Variants in ASAP3 observed in about 807,000 individuals in gnomAD.
ASAP3 encodes arf-GAP with SH3 domain, ANK repeat and PH domain-containing protein 3.
In ASAP3, 85 loss-of-function variants were observed where a neutral mutation model predicts 118.2. That is an observed-to-expected ratio of 0.72 (90% CI 0.60 to 0.86). The LOEUF (loss-of-function observed/expected upper bound fraction) is 0.86. Ranked by LOEUF, ASAP3 falls within the 40% of genes least tolerant of loss-of-function variation. ASAP3 has a pLI of 0.00. For missense variants in ASAP3, 1,026 were observed against 1,175.0 expected, an observed-to-expected ratio of 0.87 and a Z score of 1.85; for synonymous variants, 432 against 477.4, an observed-to-expected ratio of 0.90 and a Z score of 1.24.
chr1:23,450,008 G>C (rs1162619192), intron 5 of ASAP3, among the ~76,000 whole-genome samples: 1 of 152,146 alleles, frequency 6.6e-6, no homozygotes, highest in East Asian at 1.9e-4. Context: ...CCCGTCCCTG[G>C]GCCTCCAGTG....
In ASAP3 at chr1:23,436,500, G is replaced by T; in HGVS notation, c.1571+60C>A. ...TGATCCAAGACTTTTCTACGACCCT[G>T]GACACTGCGGAGGCAGAATCCCCTA... On this transcript the variant is annotated intron_variant, in intron 16 of 24. Transcript: ENST00000336689. The surrounding 1 kb of genome is among the most constrained non-coding windows in gnomAD (Gnocchi z 4.2). 6.4e-7 allele frequency: 1 copy of T among 1,572,134 alleles called. No homozygotes were observed. Among genetic ancestry groups the T allele is most frequent in the Non-Finnish European group, 8.8e-7 (1 of 1,142,216 alleles).
In ASAP3 at chr1:23,437,038, G is replaced by A. The variant is rs1640691790; in HGVS notation, c.1349C>T (p.Thr450Met). 5 of 1,610,666 alleles carry A rather than the reference G, an allele frequency of 3.1e-6. No homozygotes were observed. Among genetic ancestry groups the A allele is most frequent in the South Asian group, 1.1e-5 (1 of 90,612 alleles). ...CACGCCCAGGTTGGTGCTGAGCCACGTGGGGTCTGCAGAGGAAAGCAGCTG... is the reference window on the plus strand; with the variant it reads ...CACGCCCAGGTTGGTGCTGAGCCACATGGGGTCTGCAGAGGAAAGCAGCTG... Reference protein sequence around the residue: ...QCCDCGAADPTWLSTNLGVLT... With the variant: ...QCCDCGAADPMWLSTNLGVLT... The change falls in exon 15 of 25, where the codon ACG (threonine) becomes ATG (methionine). Residue 450 changes from threonine to methionine, a missense_variant. Transcript: ENST00000336689. The surrounding 1 kb of genome is among the most constrained non-coding windows in gnomAD (Gnocchi z 6.1).
At position 23,436,158 on chromosome 1, in the gene ASAP3, C is replaced by T; in HGVS notation, c.1572-130G>A. On this transcript the variant is annotated intron_variant, in intron 16 of 24. Transcript: ENST00000336689. This position sits in a 1 kb window ranked among gnomAD's most constrained non-coding sequence, Gnocchi z 4.2. ...GTCCTGAAGACGTCTAGATCTGAGG[C>T]TCCCCTCTCCCCAGGCTTTTTTTTT... 4.0e-6 allele frequency: 4 copies of T among 1,005,116 alleles called. No individual in the cohort carries two copies. The highest frequency in any genetic ancestry group is 5.8e-6 in the Non-Finnish European group (4 of 687,736). The allele number at this position is 1,005,116 out of a possible 1,614,324, so 62.3% of individuals were successfully genotyped here.
chr1:23,468,465 C>T lies in ASAP3; in HGVS notation c.130-12271G>A, dbSNP rs537675068. Among the ~76,000 whole-genome samples the T allele has an allele frequency of 3.9e-5, 6 of 152,260 alleles. No homozygotes were observed. In the East Asian group the frequency reaches 7.7e-4, roughly 20 times the overall value. On this transcript the variant is annotated intron_variant, in intron 1 of 24. Transcript: ENST00000336689. ...TGTGGGAAGATCAATGAAACTCCAA[C>T]GCTAAAAAGGAGTTTTCCTGTGGGA...
chr1:23,471,009 G>T (rs1182138475), intron 1 of ASAP3, among the ~76,000 whole-genome samples: 4 of 152,186 alleles, frequency 2.6e-5, no homozygotes, highest in Non-Finnish European at 4.4e-5. Context: ...CCAATCCTGG[G>T]GAAGAACCTG....
intron 5 of ASAP3, among the ~76,000 whole-genome samples, chr1:23,448,380 T>C (rs1641111289): frequency 6.6e-6 from 1 of 152,182 alleles, no homozygotes; most frequent in Non-Finnish European, 1.5e-5. Flanking sequence ...ATAAATCTGG[T>C]AATAGATGCA....
In ASAP3 at chr1:23,455,872, G is replaced by A; in HGVS notation, c.348+9C>T. On this transcript the variant is annotated intron_variant, in intron 3 of 24. Coordinates refer to ENST00000336689, the MANE Select transcript of ASAP3 (RefSeq NM_017707.4). ...CTGAGTCTGGGCAAGGAAGAGACAG[G>A]GGCCTCACCAGGTTCTTGAAGAGCG... is the stretch of plus-strand genomic sequence containing the variant. 6.2e-7 allele frequency: 1 copy of A among 1,613,992 alleles called. No homozygotes were observed. Among genetic ancestry groups the A allele is most frequent in the South Asian group, 1.1e-5 (1 of 91,066 alleles).
In ASAP3 at chr1:23,441,369, G is replaced by A. The variant is rs770915964; in HGVS notation, c.834+18C>T. On this transcript the variant is annotated intron_variant, in intron 9 of 24. Transcript: ENST00000336689. ...CCTTGGGGGAGGGCATTCCTTTTGGGATAGTTCAGGGGCTGACCTCTCTGC... is the reference window on the plus strand; with the variant it reads ...CCTTGGGGGAGGGCATTCCTTTTGGAATAGTTCAGGGGCTGACCTCTCTGC... 3.7e-6 allele frequency: 6 copies of A among 1,613,476 alleles called. No homozygotes were observed. The African/African-American group carries it at 5.3e-5, about 14-fold the overall frequency.
intron 19 of ASAP3, 112 bp downstream of exon 19, chr1:23,434,140 TAA>T: frequency 1.0e-6 from 1 of 993,666 alleles, no homozygotes; most frequent in Non-Finnish European, 1.6e-6. Flanking sequence ...GACAAACCCC[TAA>T]GATCACAGAG....
In ASAP3 at chr1:23,436,330, T is replaced by C. The variant is rs1375549297; in HGVS notation, c.1571+230A>G. Among the ~76,000 whole-genome samples the C allele has an allele frequency of 6.6e-6, 1 of 152,198 alleles. No individual in the cohort carries two copies. Among genetic ancestry groups the C allele is most frequent in the Non-Finnish European group, 1.5e-5 (1 of 68,034 alleles). ...GGCGTGTGCCACCACGCCCAGCTAA[T>C]TCTTGTATTTTGAGTACAGGCGGGG... is the stretch of plus-strand genomic sequence containing the variant. On this transcript the variant is annotated intron_variant, in intron 16 of 24. Coordinates refer to ENST00000336689, the MANE Select transcript of ASAP3 (RefSeq NM_017707.4). The surrounding 1 kb of genome is among the most constrained non-coding windows in gnomAD (Gnocchi z 4.2).
chr1:23,433,738 C>T, intron 19 of ASAP3, 45 bp from the exon 20 acceptor site: 1 of 1,611,968 alleles, frequency 6.2e-7, no homozygotes, highest in Non-Finnish European at 8.5e-7. Flanking sequence ...GTCAAAGAAA[C>T]ATTACAGCTT....
intron 6 of ASAP3, 24 bp downstream of exon 6, chr1:23,442,477 T>C: frequency 2.1e-6 from 3 of 1,444,252 alleles, no homozygotes; most frequent in South Asian, 2.3e-5. Context: ...ACGCCCCCCC[T>C]CCCTCATCCA....
At chr1:23,450,519 T>G (rs1641179145) in intron 5 of ASAP3, among the ~76,000 whole-genome samples, 1 of 151,844 alleles carries the variant, frequency 6.6e-6, no homozygotes, top group Admixed American at 6.6e-5. Flanking sequence ...GGCTTGAAAA[T>G]TAAGAATTTT....
chr1:23,483,760 C>A (rs562761779), intron 1 of ASAP3, among the ~76,000 whole-genome samples: 1 of 152,368 alleles, frequency 6.6e-6, no homozygotes, highest in African/African-American at 2.4e-5. Context: ...TGGGGTACGT[C>A]CCCCGACCTG....
At chr1:23,473,562 T>C (rs369905362) in intron 1 of ASAP3, among the ~76,000 whole-genome samples, 1 of 152,226 alleles carries the variant, frequency 6.6e-6, no homozygotes, top group Non-Finnish European at 1.5e-5. Flanking sequence ...TATGATCAAA[T>C]TGCCTTCAGG....
chr1:23,429,538 T>TA lies in ASAP3; in HGVS notation c.*317dup, dbSNP rs1640349796. The TA allele has an allele frequency of 4.6e-6, 1 of 215,310 alleles. No homozygotes were observed. The highest frequency in any genetic ancestry group is 9.2e-6 in the Non-Finnish European group (1 of 108,268). The allele number at this position is 215,310 out of a possible 1,614,324, so 13.3% of individuals were successfully genotyped here. On this transcript the variant is annotated 3_prime_UTR_variant, in exon 25 of 25. Transcript: ENST00000336689. ...GAAGCCCCCAGACTGACGGGGGAAATAGAGTCTCGATCTGATGAGGGACTG... is the reference window on the plus strand; with the variant it reads ...GAAGCCCCCAGACTGACGGGGGAAATAAGAGTCTCGATCTGATGAGGGACTG...
chr1:23,464,526 G>T (rs2148649694), intron 1 of ASAP3, among the ~76,000 whole-genome samples: 1 of 151,796 alleles, frequency 6.6e-6, no homozygotes, highest in East Asian at 1.9e-4. Flanking sequence ...CAAGTGCTGT[G>T]ACACACACCT....
Position 23,441,406 on chromosome 1 carries a change from A to T in ASAP3, c.815T>A (p.Leu272Gln). ...GCTGACCTCTCTGCTCTCAAGCTGC[A>T]GTGTCCCTCGGAGGGAGTCCCGGAG... Reference protein sequence around the residue: ...TQLRDSLRGTLQLESREEHLS... With the variant: ...TQLRDSLRGTQQLESREEHLS... The change falls in exon 9 of 25, where the codon CTG becomes CAG. Residue 272 changes from leucine to glutamine, a missense_variant. Leu to Gln is a moderately radical substitution (Grantham distance 113). Transcript: ENST00000336689. 6.2e-7 allele frequency: 1 copy of T among 1,614,086 alleles called. No individual in the cohort carries two copies. Among genetic ancestry groups the T allele is most frequent in the South Asian group, 1.1e-5 (1 of 91,056 alleles).
intron 17 of ASAP3, among the ~76,000 whole-genome samples, chr1:23,434,898 C>A (rs1002586499): frequency 6.6e-6 from 1 of 152,194 alleles, no homozygotes; most frequent in Non-Finnish European, 1.5e-5. Context: ...CACTTCCCCA[C>A]CAAGACCTCA....
Sources: allele counts gnomAD v4.1 joint callset (sites outside exome capture counted in the v4.1 genomes callset), GRCh38; gene constraint gnomAD v4.1.1; non-coding constraint Gnocchi (gnomAD v3.1); transcripts MANE v1.5; gene names NCBI Gene and HGNC (gene_info 2026-07-23, HGNC 2026-07-21).